Variants in CCDC175 observed in about 807,000 individuals in gnomAD.
CCDC175 encodes coiled-coil domain containing 175.
Under a neutral mutation model 114.6 loss-of-function variants are expected in CCDC175, and 100 were observed. The observed-to-expected ratio is 0.87, with a 90% CI of 0.74 to 1.03. The LOEUF (loss-of-function observed/expected upper bound fraction) is 1.03. Among genes scored for constraint, CCDC175 ranks in the 50% least tolerant of loss-of-function variants. CCDC175 has a pLI of 0.00. For missense variants in CCDC175, 880 were observed against 917.8 expected (o/e 0.96, Z 0.53); for synonymous variants, 306 against 308.7 (o/e 0.99, Z 0.09).
chr14:59,545,809 A>G (rs1041126640), intron 8 of CCDC175, among the ~76,000 whole-genome samples: 1 of 152,214 alleles, frequency 6.6e-6, no homozygotes, highest in African/African-American at 2.4e-5. Context: ...AGCGGAAACA[A>G]TGGGCTGAAT....
chr14:59,530,146 C>T (rs1030145473), intron 14 of CCDC175, among the ~76,000 whole-genome samples: 2 of 151,930 alleles, frequency 1.3e-5, no homozygotes, highest in Non-Finnish European at 2.9e-5. Flanking sequence ...TGAGGTGGAC[C>T]TCATGAGGCC....
At chr14:59,563,707 TA>T in intron 6 of CCDC175, 29 bp downstream of exon 6, 1 of 1,289,382 alleles carries the variant, frequency 7.8e-7, no homozygotes, top group East Asian at 3.0e-5. Flanking sequence ...AGATAAGGCT[TA>T]AAAATATATA....
At chr14:59,537,090 T>G (rs143159864) in intron 13 of CCDC175, among the ~76,000 whole-genome samples, 51 of 152,328 alleles carry the variant, frequency 3.3e-4, no homozygotes, top group Admixed American at 2.0e-3. Flanking sequence ...CTGATCATAG[T>G]TTTTATTTGT....
At chr14:59,513,029 C>T (rs535436473) in intron 17 of CCDC175, among the ~76,000 whole-genome samples, 6 of 152,050 alleles carry the variant, frequency 3.9e-5, no homozygotes, top group Non-Finnish European at 7.4e-5. Flanking sequence ...AAAGGAACAA[C>T]CACATAAAAT....
At chr14:59,561,887 C>A (rs978703990) in intron 6 of CCDC175, among the ~76,000 whole-genome samples, 6 of 152,278 alleles carry the variant, frequency 3.9e-5, no homozygotes, top group African/African-American at 1.4e-4. Context: ...CAAGGCTGAT[C>A]AAACAAATTC....
At position 59,572,819 on chromosome 14, in the gene CCDC175, A is replaced by T; in HGVS notation, c.244-6T>A. The T allele has an allele frequency of 6.8e-7, 1 of 1,477,238 alleles. No homozygotes were observed. The highest frequency in any genetic ancestry group is 8.9e-7 in the Non-Finnish European group (1 of 1,118,324). The allele number at this position is 1,477,238 out of a possible 1,614,324, so 91.5% of individuals were successfully genotyped here. A position where few individuals can be genotyped will look rare whatever the true frequency, so the allele number is the denominator to read the frequency against. On this transcript the variant is annotated splice_region_variant and splice_polypyrimidine_tract_variant and intron_variant, in intron 2 of 19. Coordinates refer to ENST00000537690, the MANE Select transcript of CCDC175 (RefSeq NM_001164399.2). ...GTGGCTTTTCTCATTTCTTCCTGAA[A>T]ATTTAAATTACATTTTTAAAAAGTT... is the stretch of plus-strand genomic sequence containing the variant.
intron 3 of CCDC175, among the ~76,000 whole-genome samples, chr14:59,571,148 TAAAAAA>T (rs35713404): frequency 7.8e-6 from 1 of 128,412 alleles, no homozygotes; most frequent in Non-Finnish European, 1.6e-5. Flanking sequence ...GAAATTTACC[TAAAAAA>T]AAAAAAAAAA....
intron 17 of CCDC175, among the ~76,000 whole-genome samples, chr14:59,518,119 T>C (rs1566597252): frequency 1.3e-5 from 2 of 152,202 alleles, no homozygotes; most frequent in Non-Finnish European, 2.9e-5. Context: ...GCTAGCCATA[T>C]GGAGAAAGCT....
chr14:59,565,245 A>C lies in CCDC175; in HGVS notation c.522T>G (p.His174Gln). The change falls in exon 5 of 20, where the codon CAT (histidine) becomes CAG (glutamine). Residue 174 changes from histidine to glutamine, a missense_variant. Physicochemically the swap from His to Gln is conservative, Grantham distance 24. Coordinates refer to ENST00000537690, the MANE Select transcript of CCDC175 (RefSeq NM_001164399.2). The stretch of plus-strand genomic sequence containing the variant: ...GGTTGAGTGACAGGACAAACCTTGC[A>C]TGCTTCCTTGCTAGCTCTTCCTGCT... ...GEKQEELARK[H>Q]ARFVLSLNQT... 6.5e-7 allele frequency: 1 copy of C among 1,537,548 alleles called. No individual in the cohort carries two copies. The highest frequency in any genetic ancestry group is 8.7e-7 in the Non-Finnish European group (1 of 1,146,966).
intron 17 of CCDC175, among the ~76,000 whole-genome samples, chr14:59,518,273 TG>T (rs1893221541): frequency 6.6e-6 from 1 of 152,294 alleles, no homozygotes; most frequent in South Asian, 2.1e-4. Flanking sequence ...AAGGACTTCA[TG>T]TCTAAAACAC....
chr14:59,540,686 T>C lies in CCDC175; in HGVS notation c.1344A>G (p.Glu448=). 7.0e-7 allele frequency: 1 copy of C among 1,428,186 alleles called. No individual in the cohort carries two copies. Among genetic ancestry groups the C allele is most frequent in the Middle Eastern group, 1.7e-4 (1 of 5,730 alleles). 88.5% of individuals were successfully genotyped at this position (1,428,186 alleles called of 1,614,324 possible). ...TTTTTTTTTTTTACCATCTCTGACT[T>C]TCTCTTTCCAGGTTAGCACTCAGGA... ...IKILSANLER[E]SQRCVITQWK... The change falls in exon 11 of 20, where the codon GAA becomes GAG. Residue 448 remains glutamate (E), a synonymous_variant. Coordinates refer to ENST00000537690, the MANE Select transcript of CCDC175 (RefSeq NM_001164399.2).
At chr14:59,541,272 G>A (rs1402609073) in intron 10 of CCDC175, among the ~76,000 whole-genome samples, 3 of 152,292 alleles carry the variant, frequency 2.0e-5, no homozygotes, top group African/African-American at 7.2e-5. Context: ...ATACAATTCA[G>A]AAAGCCAATA....
At chr14:59,514,237 G>T (rs923204802) in intron 17 of CCDC175, among the ~76,000 whole-genome samples, 1 of 152,172 alleles carries the variant, frequency 6.6e-6, no homozygotes, top group South Asian at 2.1e-4. Flanking sequence ...AGAAAAACTG[G>T]AAATTCTAAA....
intron 8 of CCDC175, among the ~76,000 whole-genome samples, chr14:59,545,990 T>C (rs1447501496): frequency 2.0e-5 from 3 of 152,180 alleles, no homozygotes; most frequent in African/African-American, 7.2e-5. Flanking sequence ...GGAAAATAAA[T>C]TAATCTACCG....
chr14:59,561,194 A>G lies in CCDC175; in HGVS notation c.878T>C (p.Leu293Pro). Residue 293 changes from leucine (L) to proline (P), a missense_variant, in exon 7 of 20, where the codon CTA (leucine) becomes CCA (proline). Physicochemically the swap from Leu to Pro is moderately conservative, Grantham distance 98. Transcript: ENST00000537690. ...LSDHNLEIARLHESIRYWEQE... is the reference protein window; with the variant it reads ...LSDHNLEIARPHESIRYWEQE... ...TTCCCAATACCTTATTGATTCGTGT[A>G]GTCGTGCTATCTCTAAATTGTGATC... The G allele has an allele frequency of 6.5e-7, 1 of 1,535,264 alleles. No homozygotes were observed. The highest frequency in any genetic ancestry group is 8.7e-7 in the Non-Finnish European group (1 of 1,145,418).
At chr14:59,556,151 AAGT>A (rs1346052289) in intron 7 of CCDC175, among the ~76,000 whole-genome samples, 1 of 152,190 alleles carries the variant, frequency 6.6e-6, no homozygotes, top group Non-Finnish European at 1.5e-5. Flanking sequence ...CCGCATCACC[AAGT>A]CAATCCTAAG....
chr14:59,536,565 C>A (rs943080252), intron 13 of CCDC175, among the ~76,000 whole-genome samples: 1 of 151,784 alleles, frequency 6.6e-6, no homozygotes, highest in Non-Finnish European at 1.5e-5. Flanking sequence ...TCCTCTCCCC[C>A]CTCACCCCGT....
intron 17 of CCDC175, among the ~76,000 whole-genome samples, chr14:59,516,335 A>G (rs1157274424): frequency 6.6e-6 from 1 of 152,176 alleles, no homozygotes; most frequent in African/African-American, 2.4e-5. Context: ...AACTGAAGGA[A>G]ATAGAGACTC....
rs370665425 is a variant in CCDC175 at position 59,519,021 on chromosome 14, A to G, written c.2098+2553T>C. On this transcript the variant is annotated intron_variant, in intron 17 of 19. Coordinates refer to ENST00000537690, the MANE Select transcript of CCDC175 (RefSeq NM_001164399.2). ...TGATGAGTTCATGTCCTTTGTAGGG[A>G]CATGGATGGAGCTGGAAACCATCAT... Among the ~76,000 whole-genome samples the G allele has an allele frequency of 7.4e-4, 112 of 152,348 alleles. 2 individuals carry two copies. Among genetic ancestry groups the G allele is most frequent in the African/African-American group, 2.2e-3 (91 of 41,572 alleles).
Sources: allele counts gnomAD v4.1 joint callset (sites outside exome capture counted in the v4.1 genomes callset), GRCh38; gene constraint gnomAD v4.1.1; transcripts MANE v1.5; gene names NCBI Gene and HGNC (gene_info 2026-07-23, HGNC 2026-07-21).